The following GLI3 variants were observed in gnomAD, a reference collection of about 807,000 sequenced individuals.
GLI3 encodes transcription activator GLI3.
A neutral mutation model predicts 100.8 loss-of-function variants in GLI3; 20 were observed. That is an observed-to-expected ratio of 0.20 (90% CI 0.14 to 0.29). The LOEUF is 0.29. Among genes scored for constraint, GLI3 ranks in the 10% least tolerant of loss-of-function variants. The pLI, the probability that GLI3 is intolerant of heterozygous loss-of-function variation, is 1.00. For synonymous variants in GLI3, 938 were observed against 860.5 expected (o/e 1.09, Z -1.58); for missense variants, 2,040 against 2,128.5 (o/e 0.96, Z 0.82).
At chr7:42,025,610 G>C (rs1002115280) in intron 8 of GLI3, among the ~76,000 whole-genome samples, 1 of 152,132 alleles carries the variant, frequency 6.6e-6, no homozygotes, top group Non-Finnish European at 1.5e-5. Flanking sequence ...ACTCCCTATG[G>C]CTTTTAAAAG....
intron 3 of GLI3, among the ~76,000 whole-genome samples, chr7:42,087,646 T>C (rs1785130258): frequency 6.6e-6 from 1 of 151,648 alleles, no homozygotes; most frequent in South Asian, 2.1e-4. Context: ...ACACAAAAGG[T>C]TGGAGGTCAA....
intron 2 of GLI3, among the ~76,000 whole-genome samples, chr7:42,190,040 C>A (rs1267415568): frequency 6.8e-6 from 1 of 147,532 alleles, no homozygotes; most frequent in Admixed American, 6.8e-5. Flanking sequence ...TTTGCAATTA[C>A]ATAGGGAAAA....
At chr7:42,110,211 G>T (rs1248106444) in intron 3 of GLI3, among the ~76,000 whole-genome samples, 4 of 152,104 alleles carry the variant, frequency 2.6e-5, no homozygotes, top group African/African-American at 9.7e-5. Context: ...AAAATTTATT[G>T]TTAGTATCTC....
intron 3 of GLI3, among the ~76,000 whole-genome samples, chr7:42,119,962 A>G (rs868290244): frequency 4.1e-4 from 63 of 152,328 alleles, no homozygotes; most frequent in African/African-American, 1.5e-3. Context: ...ACAAACTCAC[A>G]GACACACGCA....
At chr7:42,031,941 C>T (rs1789307807) in intron 7 of GLI3, among the ~76,000 whole-genome samples, 1 of 152,084 alleles carries the variant, frequency 6.6e-6, no homozygotes, top group Non-Finnish European at 1.5e-5. Context: ...TGTAGATATA[C>T]ATCAGAAATC....
intron 3 of GLI3, among the ~76,000 whole-genome samples, chr7:42,122,184 T>C (rs968137779): frequency 6.8e-6 from 1 of 146,868 alleles, no homozygotes; most frequent in African/African-American, 2.5e-5. Flanking sequence ...AGCATGCTTA[T>C]ATATATTAAT....
At chr7:42,251,894 T>C (rs1789037014) in intron 1 of GLI3, among the ~76,000 whole-genome samples, 2 of 152,038 alleles carry the variant, frequency 1.3e-5, no homozygotes, top group Admixed American at 1.3e-4. Context: ...TTATCTAGTG[T>C]GATCGAGTGG....
In GLI3 at chr7:42,076,542, C is replaced by T. The variant is rs567885367; in HGVS notation, c.473+210G>A. ...AAAATATATAGGAAATACTTGTCGG[C>T]GACCTAGTGTGACAGGCATTCCTCA... On this transcript the variant is annotated intron_variant, in intron 4 of 14. Transcript: ENST00000395925. Among the ~76,000 whole-genome samples the T allele has an allele frequency of 1.9e-3, 292 of 152,282 alleles. No homozygotes were observed. Among genetic ancestry groups the T allele is most frequent in the Non-Finnish European group, 2.5e-3 (171 of 68,018 alleles).
chr7:42,003,748 T>G (rs1048907519), intron 10 of GLI3, among the ~76,000 whole-genome samples: 1 of 152,174 alleles, frequency 6.6e-6, no homozygotes, highest in African/African-American at 2.4e-5. Context: ...GAATGTTATT[T>G]CAGAAATTCC....
intron 2 of GLI3, among the ~76,000 whole-genome samples, chr7:42,161,474 GACA>G (rs777280920): frequency 1.3e-5 from 2 of 152,146 alleles, no homozygotes; most frequent in Non-Finnish European, 2.9e-5. Flanking sequence ...CTCAGGATAT[GACA>G]ACAACACCCA....
intron 3 of GLI3, among the ~76,000 whole-genome samples, chr7:42,099,019 G>C (rs915078834): frequency 2.6e-5 from 4 of 152,114 alleles, no homozygotes; most frequent in African/African-American, 9.7e-5. Context: ...CCTGAGAGTG[G>C]CTCTATCCCC....
At chr7:42,218,251 G>C (rs189594224) in intron 2 of GLI3, among the ~76,000 whole-genome samples, 1 of 152,002 alleles carries the variant, frequency 6.6e-6, no homozygotes, top group East Asian at 1.9e-4. Context: ...GGCGTGAACT[G>C]CCTGCCCATT....
chr7:42,230,090 G>C (rs1788665295), intron 1 of GLI3, among the ~76,000 whole-genome samples: 1 of 80,984 alleles, frequency 1.2e-5, no homozygotes, highest in Non-Finnish European at 2.7e-5. Context: ...TTTTCTGCAA[G>C]GGTTGGGCGG....
At chr7:42,121,942 C>T (rs1365272095) in intron 3 of GLI3, among the ~76,000 whole-genome samples, 1 of 152,116 alleles carries the variant, frequency 6.6e-6, no homozygotes, top group Non-Finnish European at 1.5e-5. Context: ...GTAGCCACAA[C>T]AAGTGGAAGG....
chr7:42,099,066 T>C (rs1167630241), intron 3 of GLI3, among the ~76,000 whole-genome samples: 1 of 152,066 alleles, frequency 6.6e-6, no homozygotes, highest in Non-Finnish European at 1.5e-5. Flanking sequence ...GGTGGTGATA[T>C]CAAGGAGTAC....
At chr7:42,143,454 T>C (rs556259430) in intron 3 of GLI3, among the ~76,000 whole-genome samples, 2 of 152,342 alleles carry the variant, frequency 1.3e-5, no homozygotes, top group African/African-American at 4.8e-5. Flanking sequence ...GAGAGAAGTA[T>C]GAGCAAGTGT....
chr7:42,208,363 A>C (rs773241588), intron 2 of GLI3, among the ~76,000 whole-genome samples: 12 of 152,034 alleles, frequency 7.9e-5, no homozygotes, highest in Non-Finnish European at 1.5e-4. Context: ...TATTTTAATA[A>C]TTTCTATATA....
intron 3 of GLI3, among the ~76,000 whole-genome samples, chr7:42,119,994 C>T (rs1785956816): frequency 6.6e-6 from 1 of 152,152 alleles, no homozygotes; most frequent in Non-Finnish European, 1.5e-5. Flanking sequence ...GACCCTCGCA[C>T]TTATAGAGGG....
In GLI3 at chr7:42,099,904, C is replaced by A. The variant is rs563667261; in HGVS notation, c.368-23047G>T. Among the ~76,000 whole-genome samples, 4 of 152,376 alleles carry A rather than the reference C, an allele frequency of 2.6e-5. No individual in the cohort carries two copies. The South Asian group carries it at 8.3e-4, about 32-fold the overall frequency. ...TTCTAGAAGTCTCTGTGACAGCATGCACATGCCAAAGTATTTTCTCTCCAT... is the reference window on the plus strand; with the variant it reads ...TTCTAGAAGTCTCTGTGACAGCATGAACATGCCAAAGTATTTTCTCTCCAT... On this transcript the variant is annotated intron_variant, in intron 3 of 14. Coordinates refer to ENST00000395925, the MANE Select transcript of GLI3 (RefSeq NM_000168.6).
Sources: allele counts gnomAD v4.1 joint callset (sites outside exome capture counted in the v4.1 genomes callset), GRCh38; gene constraint gnomAD v4.1.1; transcripts MANE v1.5; gene names NCBI Gene and HGNC (gene_info 2026-07-23, HGNC 2026-07-21).